The following AMDHD1 variants were observed in gnomAD, a reference collection of about 807,000 sequenced individuals.
AMDHD1 encodes the protein probable imidazolonepropionase.
AMDHD1 carries 45 observed loss-of-function variants against 44.1 expected under a neutral mutation model. The ratio of observed to expected loss-of-function variants is 1.02; its 90% CI spans 0.80 to 1.31. The LOEUF is 1.31. AMDHD1 is among the 50% of genes most tolerant of loss of function. The pLI, the probability that AMDHD1 is intolerant of heterozygous loss-of-function variation, is 0.00. For synonymous variants in AMDHD1, 206 were observed against 205.0 expected, an observed-to-expected ratio of 1.00 and a Z score of -0.04; for missense variants, 586 against 552.1, an observed-to-expected ratio of 1.06 and a Z score of -0.61.
At chr12:95,961,742 T>C (rs2080582848) in intron 5 of AMDHD1, among the ~76,000 whole-genome samples, 1 of 152,228 alleles carries the variant, frequency 6.6e-6, no homozygotes, top group African/African-American at 2.4e-5. Flanking sequence ...CTCCCAATTC[T>C]CCCAAATAGC....
chr12:95,956,608 G>A, intron 3 of AMDHD1, 77 bp from the exon 4 acceptor site: 2 of 1,558,274 alleles, frequency 1.3e-6, no homozygotes, highest in Non-Finnish European at 1.7e-6. Context: ...ATATAATATT[G>A]CCCCTGGAAG....
At position 95,943,553 on chromosome 12, in the gene AMDHD1, C is replaced by A; in HGVS notation, c.137+18C>A. 7.0e-7 allele frequency: 1 copy of A among 1,435,842 alleles called. No homozygotes were observed. The highest frequency in any genetic ancestry group is 1.4e-5 in the South Asian group (1 of 70,132). The allele number at this position is 1,435,842 out of a possible 1,614,324, so 88.9% of individuals were successfully genotyped here. ...GTGGGCAAGTAAGTGGCCGGGCGCG[C>A]AGGGTGGGGACCGCCACGGGCGGAG... On this transcript the variant is annotated intron_variant, in intron 1 of 8. Coordinates refer to ENST00000266736, the MANE Select transcript of AMDHD1 (RefSeq NM_152435.3).
In AMDHD1 at chr12:95,943,493, G is replaced by T; in HGVS notation, c.95G>T (p.Arg32Leu). 1.3e-6 allele frequency: 2 copies of T among 1,499,984 alleles called. No homozygotes were observed. The highest frequency in any genetic ancestry group is 1.2e-5 in the South Asian group (1 of 80,678). 92.9% of individuals were successfully genotyped at this position (1,499,984 alleles called of 1,614,324 possible). ...GERFLARDALRSLAVLEGASL... is the reference protein window; with the variant it reads ...GERFLARDALLSLAVLEGASL... ...CGCTTCCTGGCGCGGGATGCGCTGCGCAGCCTGGCGGTGCTGGAAGGCGCC... is the reference window on the plus strand; with the variant it reads ...CGCTTCCTGGCGCGGGATGCGCTGCTCAGCCTGGCGGTGCTGGAAGGCGCC... Residue 32 changes from arginine to leucine, a missense_variant, in exon 1 of 9, where the codon CGC (arginine) becomes CTC (leucine). Coordinates refer to ENST00000266736, the MANE Select transcript of AMDHD1 (RefSeq NM_152435.3).
chr12:95,962,256 T>A, intron 5 of AMDHD1, 99 bp from the exon 6 acceptor site: 2 of 1,458,160 alleles, frequency 1.4e-6, no homozygotes, highest in Non-Finnish European at 1.8e-6. Flanking sequence ...AGAGCAAGAC[T>A]CCGTCTCAAA....
At chr12:95,967,322 G>A (rs1369735862) in intron 8 of AMDHD1, among the ~76,000 whole-genome samples, 1 of 152,200 alleles carries the variant, frequency 6.6e-6, no homozygotes, top group Non-Finnish European at 1.5e-5. Flanking sequence ...TGAGATTTGG[G>A]TGGGCACATA....
intron 6 of AMDHD1, 152 bp from the exon 7 acceptor site, chr12:95,965,534 T>G (rs112322394): frequency 1.0e-5 from 5 of 484,490 alleles, no homozygotes; most frequent in Non-Finnish European, 1.8e-5. Flanking sequence ...GGATTATATA[T>G]GTAACTCTAC....
At chr12:95,944,681 C>A (rs1565975403) in intron 1 of AMDHD1, among the ~76,000 whole-genome samples, 1 of 152,170 alleles carries the variant, frequency 6.6e-6, no homozygotes. Context: ...CCTCCCAGTG[C>A]TGAGATTACA....
At chr12:95,944,960 C>T (rs1035907735) in intron 1 of AMDHD1, among the ~76,000 whole-genome samples, 1 of 151,914 alleles carries the variant, frequency 6.6e-6, no homozygotes, top group Non-Finnish European at 1.5e-5. Flanking sequence ...ATGATGAAAC[C>T]CCATCTCTAC....
rs1400562588 is a variant in AMDHD1, at chr12:95,962,380, C to T, written c.839C>T (p.Ala280Val). The change falls in exon 6 of 9, where the codon GCA becomes GTA. Residue 280 changes from alanine to valine, a missense_variant. Coordinates refer to ENST00000266736, the MANE Select transcript of AMDHD1 (RefSeq NM_152435.3). ...AELGAELGAQ[A>V]ISHLEEVSDE... ...CTTGGGGCTGAACTGGGAGCGCAGG[C>T]AATCAGCCACCTGGAAGAAGTGAGT... The T allele has an allele frequency of 6.2e-7, 1 of 1,613,826 alleles. No homozygotes were observed. The highest frequency in any genetic ancestry group is 1.7e-5 in the Admixed American group (1 of 59,964).
chr12:95,957,306 G>GTAAT (rs2080557033), intron 4 of AMDHD1, among the ~76,000 whole-genome samples: 1 of 152,206 alleles, frequency 6.6e-6, no homozygotes, highest in Non-Finnish European at 1.5e-5. Context: ...GAAGTTAATA[G>GTAAT]TAATGCTCTT....
At position 95,943,366 on chromosome 12, in the gene AMDHD1, GT is replaced by G; in HGVS notation, c.-32del. On this transcript the variant is annotated 5_prime_UTR_variant, in exon 1 of 9. Transcript: ENST00000266736. ...GAGTCCTGCCGGTGGCCCGAGCCCG[GT>G]GGCCTCCCGGCGACCCTCGGCGCGA... The G allele has an allele frequency of 1.6e-6, 2 of 1,245,694 alleles. No homozygotes were observed. The highest frequency in any genetic ancestry group is 2.0e-6 in the Non-Finnish European group (2 of 976,054). The allele number at this position is 1,245,694 out of a possible 1,614,324, so 77.2% of individuals were successfully genotyped here.
intron 3 of AMDHD1, among the ~76,000 whole-genome samples, chr12:95,955,182 C>A (rs1383440715): frequency 6.6e-6 from 1 of 152,120 alleles, no homozygotes; most frequent in African/African-American, 2.4e-5. Flanking sequence ...CTATTCCTGC[C>A]CACTAATGTC....
At chr12:95,957,913 C>T (rs577498008) in intron 4 of AMDHD1, among the ~76,000 whole-genome samples, 41 of 152,148 alleles carry the variant, frequency 2.7e-4, no homozygotes, top group African/African-American at 8.4e-4. Context: ...ATTAGCGAGG[C>T]GTGGTGGCCC....
intron 1 of AMDHD1, among the ~76,000 whole-genome samples, chr12:95,948,332 G>A (rs1173831700): frequency 1.9e-4 from 13 of 68,494 alleles, no homozygotes; most frequent in African/African-American, 9.4e-4. Flanking sequence ...CCCCCCACCC[G>A]GCCAGCCGCC....
At position 95,968,356 on chromosome 12, in the gene AMDHD1, T is replaced by A. The variant is rs1414499434; in HGVS notation, c.*513T>A. On this transcript the variant is annotated 3_prime_UTR_variant, in exon 9 of 9. Transcript: ENST00000266736. The stretch of plus-strand genomic sequence containing the variant: ...GCTTGTCAAATGAATTAATGTCCTC[T>A]GATGAAGAGTGTCCTTCCGTTTCTA... 2 of 154,686 alleles carry A rather than the reference T, an allele frequency of 1.3e-5. No homozygotes were observed. Among genetic ancestry groups the A allele is most frequent in the Non-Finnish European group, 2.9e-5 (2 of 70,060 alleles). 9.6% of individuals were successfully genotyped at this position (154,686 alleles called of 1,614,324 possible).
In AMDHD1 at chr12:95,949,016, C is replaced by T. The variant is rs1447662499; in HGVS notation, c.138-3701C>T. On this transcript the variant is annotated intron_variant, in intron 1 of 8. Coordinates refer to ENST00000266736, the MANE Select transcript of AMDHD1 (RefSeq NM_152435.3). ...TGCGGAAGGCCGCAGGGTCCTCTGCCTAGGAAAACCAGAGACCTTTGTTCA... is the reference window on the plus strand; with the variant it reads ...TGCGGAAGGCCGCAGGGTCCTCTGCTTAGGAAAACCAGAGACCTTTGTTCA... Among the ~76,000 whole-genome samples, 77 of 20,862 alleles carry T rather than the reference C, an allele frequency of 3.7e-3. 11 individuals carry two copies. Among genetic ancestry groups the T allele is most frequent in the Non-Finnish European group, 4.0e-3 (53 of 13,212 alleles). 13.7% of individuals were successfully genotyped at this position (20,862 alleles called of 152,430 possible).
chr12:95,962,285 A>G, intron 5 of AMDHD1, 70 bp from the exon 6 acceptor site: 1 of 1,558,110 alleles, frequency 6.4e-7, no homozygotes, highest in Non-Finnish European at 8.7e-7. Flanking sequence ...AAACAAAGCA[A>G]TTTAATGGAA....
At chr12:95,957,110 ACTC>A (rs2080556120) in intron 4 of AMDHD1, 148 bp downstream of exon 4, 1 of 1,121,144 alleles carries the variant, frequency 8.9e-7, no homozygotes, top group Middle Eastern at 3.0e-4. Context: ...CATCCCGCAG[ACTC>A]GGTTTTAGGA....
rs986508965 is a variant in AMDHD1 at position 95,952,890 on chromosome 12, G to A, written c.244+67G>A. 2.8e-5 allele frequency: 25 copies of A among 886,190 alleles called. No individual in the cohort carries two copies. The African/African-American group carries it at 4.2e-4, about 15-fold the overall frequency. 54.9% of individuals were successfully genotyped at this position (886,190 alleles called of 1,614,324 possible). On this transcript the variant is annotated intron_variant, in intron 2 of 8. Coordinates refer to ENST00000266736, the MANE Select transcript of AMDHD1 (RefSeq NM_152435.3). ...ACAGTTGCTCCTGAAATGTAAAGAG[G>A]AAGAGTAACAGCTTATTTTAAAGTC...
Sources: gnomAD v4.1 joint callset for allele counts (sites outside exome capture counted in the v4.1 genomes callset) on GRCh38, gnomAD v4.1.1 for gene constraint, MANE v1.5 for transcripts, NCBI Gene and HGNC (gene_info 2026-07-23, HGNC 2026-07-21) for gene names.